The following STX18 variants were observed in gnomAD, a reference collection of about 807,000 sequenced individuals.
STX18 encodes syntaxin-18.
In STX18, 40 loss-of-function variants were observed where a neutral mutation model predicts 50.1. The observed-to-expected ratio is 0.80, with a 90% confidence interval of 0.62 to 1.04. The LOEUF (loss-of-function observed/expected upper bound fraction) is 1.04. Ranked by LOEUF, STX18 falls within the 50% of genes least tolerant of loss-of-function variation. STX18 has a pLI of 0.00. For synonymous variants in STX18, 158 were observed against 151.8 expected, an observed-to-expected ratio of 1.04 and a Z score of -0.30; for missense variants, 410 against 415.8, an observed-to-expected ratio of 0.99 and a Z score of 0.12.
chr4:4,459,454 G>A lies in STX18; in HGVS notation c.270C>T (p.Asp90=). The A allele has an allele frequency of 6.2e-7, 1 of 1,614,056 alleles. No homozygotes were observed. The highest frequency in any genetic ancestry group is 8.5e-7 in the Non-Finnish European group (1 of 1,179,988). The change falls in exon 3 of 11, where the codon GAC becomes GAT. Residue 90 remains aspartate, a synonymous_variant. Transcript: ENST00000306200. ...CCTGGTCTATCTGGTCTCGTTCTGT[G>A]TCTGTCATCCTCCCATATTCAGACA... ...HTMSEYGRMT[D]TERDQIDQDA...
chr4:4,478,305 G>A (rs1475370752), intron 1 of STX18, among the ~76,000 whole-genome samples: 2 of 151,396 alleles, frequency 1.3e-5, no homozygotes, highest in Non-Finnish European at 1.5e-5. Context: ...TGTGTTTTAC[G>A]ACATGGGGGG....
intron 1 of STX18, among the ~76,000 whole-genome samples, chr4:4,533,242 C>T (rs775742282): frequency 1.9e-4 from 29 of 152,058 alleles, no homozygotes; most frequent in African/African-American, 3.9e-4. Flanking sequence ...AAATGTAATA[C>T]GCTTTAAACA....
At chr4:4,481,235 T>C (rs1193679089) in intron 1 of STX18, among the ~76,000 whole-genome samples, 1 of 152,238 alleles carries the variant, frequency 6.6e-6, no homozygotes, top group East Asian at 1.9e-4. Context: ...AAGTGTCCTT[T>C]GCTGATCACA....
chr4:4,437,210 C>A (rs11945514), intron 6 of STX18, among the ~76,000 whole-genome samples: 10,725 of 152,162 alleles, frequency 0.07, 1,223 homozygotes, highest in African/African-American at 0.24. Context: ...CCCGCCTTGG[C>A]CTCCCAAAGT....
intron 1 of STX18, among the ~76,000 whole-genome samples, chr4:4,534,406 T>C (rs1731240615): frequency 6.6e-6 from 1 of 152,214 alleles, no homozygotes; most frequent in South Asian, 2.1e-4. Context: ...AGCTGGAAAT[T>C]ATTCTACCTC....
At chr4:4,530,444 C>G (rs1471928910) in intron 1 of STX18, among the ~76,000 whole-genome samples, 2 of 151,556 alleles carry the variant, frequency 1.3e-5, no homozygotes, top group African/African-American at 4.8e-5. Context: ...GTCACATTTA[C>G]CTAACAATTT....
At chr4:4,428,696 A>T (rs1417132016) in intron 7 of STX18, among the ~76,000 whole-genome samples, 1 of 152,104 alleles carries the variant, frequency 6.6e-6, no homozygotes, top group African/African-American at 2.4e-5. Context: ...ATGCACCCAT[A>T]GCATCTTCTT....
At chr4:4,477,436 T>A (rs1728241085) in intron 1 of STX18, among the ~76,000 whole-genome samples, 1 of 152,132 alleles carries the variant, frequency 6.6e-6, no homozygotes, top group Admixed American at 6.6e-5. Context: ...TGTAACAGGA[T>A]CAATGCCACC....
At position 4,487,811 on chromosome 4, in the gene STX18, A is replaced by G. The variant is rs150223768; in HGVS notation, c.169-16105T>C. On this transcript the variant is annotated intron_variant, in intron 1 of 10. Coordinates refer to ENST00000306200, the MANE Select transcript of STX18 (RefSeq NM_016930.4). ...GAATACGCTCACTCTTTTTGTGTTG[A>G]AGAATTTTAAAACTTTAAAAAATTC... Among the ~76,000 whole-genome samples the G allele has an allele frequency of 1.7e-4, 26 of 152,304 alleles. No homozygotes were observed. In the East Asian group the frequency reaches 5.0e-3, roughly 29 times the overall value.
chr4:4,436,103 A>G (rs1725761723), intron 6 of STX18, among the ~76,000 whole-genome samples: 1 of 152,240 alleles, frequency 6.6e-6, no homozygotes. Flanking sequence ...GATGGCAACA[A>G]GTCCAGATCT....
intron 1 of STX18, among the ~76,000 whole-genome samples, chr4:4,522,742 G>A (rs1225698071): frequency 6.6e-6 from 1 of 152,216 alleles, no homozygotes; most frequent in Non-Finnish European, 1.5e-5. Flanking sequence ...AACAAAGTCA[G>A]AGGTAAAATT....
At chr4:4,452,525 C>T (rs1243379807) in intron 5 of STX18, among the ~76,000 whole-genome samples, 5 of 152,120 alleles carry the variant, frequency 3.3e-5, no homozygotes, top group South Asian at 4.2e-4. Flanking sequence ...AAGCTGAAGC[C>T]GATGCTCATT....
chr4:4,432,552 A>C (rs1725569308), intron 7 of STX18, among the ~76,000 whole-genome samples: 2 of 152,164 alleles, frequency 1.3e-5, no homozygotes, highest in Admixed American at 6.5e-5. Flanking sequence ...CATGCACCTC[A>C]TGGGCCAGCT....
intron 5 of STX18, among the ~76,000 whole-genome samples, chr4:4,447,901 C>T (rs10002151): frequency 0.16 from 24,995 of 152,092 alleles, 2,283 homozygotes; most frequent in African/African-American, 0.24. Flanking sequence ...ACTGCTGAAC[C>T]AACCCATAAA....
chr4:4,513,447 G>C (rs193073781), intron 1 of STX18, among the ~76,000 whole-genome samples: 1 of 152,268 alleles, frequency 6.6e-6, no homozygotes, highest in East Asian at 1.9e-4. Context: ...AGAAGGAAAG[G>C]AAAGTGTGGG....
chr4:4,434,837 T>G lies in STX18; in HGVS notation c.635A>C (p.Gln212Pro). Residue 212 changes from glutamine to proline, a missense_variant, in exon 7 of 11, where the codon CAA (glutamine) becomes CCA (proline). Transcript: ENST00000306200. ...ERPEKILAET[Q>P]PELGTWGDGK... ...ATCTCCCCACGTTCCCAATTCAGGTTGTGTTTCAGCCAAAATTTTTTCTGT... is the reference window on the plus strand; with the variant it reads ...ATCTCCCCACGTTCCCAATTCAGGTGGTGTTTCAGCCAAAATTTTTTCTGT... 1 of 1,601,936 alleles carries G rather than the reference T, an allele frequency of 6.2e-7. No homozygotes were observed. Among genetic ancestry groups the G allele is most frequent in the Non-Finnish European group, 8.5e-7 (1 of 1,176,808 alleles).
chr4:4,420,227 G>A lies in STX18; in HGVS notation c.913-98C>T. On this transcript the variant is annotated intron_variant, in intron 10 of 10. Transcript: ENST00000306200. The surrounding 1 kb of genome is among the most constrained non-coding windows in gnomAD (Gnocchi z 4.3). ...TCTTCCCACGTGCTCTCCTGATCCT[G>A]GCTGTAACTATGGGTGTCGTTCCAT... 1.1e-6 allele frequency: 1 copy of A among 914,066 alleles called. No individual in the cohort carries two copies. The highest frequency in any genetic ancestry group is 1.7e-6 in the Non-Finnish European group (1 of 584,696). 56.6% of individuals were successfully genotyped at this position (914,066 alleles called of 1,614,324 possible). A position where few individuals can be genotyped will look rare whatever the true frequency, so the allele number is the denominator to read the frequency against.
intron 1 of STX18, among the ~76,000 whole-genome samples, chr4:4,527,806 T>C (rs969722496): frequency 8.8e-4 from 129 of 146,642 alleles, no homozygotes; most frequent in African/African-American, 3.0e-3. Flanking sequence ...ATATATATGT[T>C]TTTATATATA....
intron 1 of STX18, among the ~76,000 whole-genome samples, chr4:4,482,802 T>C (rs1728525607): frequency 1.3e-5 from 2 of 152,214 alleles, no homozygotes; most frequent in Admixed American, 1.3e-4. Flanking sequence ...CTTTCCACCT[T>C]CCTTGAGGCA....
Sources: allele counts gnomAD v4.1 joint callset (sites outside exome capture counted in the v4.1 genomes callset), GRCh38; gene constraint gnomAD v4.1.1; non-coding constraint Gnocchi (gnomAD v3.1); transcripts MANE v1.5; gene names NCBI Gene and HGNC (gene_info 2026-07-23, HGNC 2026-07-21).